The following GRIP1 variants were observed in gnomAD, a reference collection of about 807,000 sequenced individuals.
GRIP1 encodes the protein glutamate receptor-interacting protein 1.
A neutral mutation model predicts 129.9 loss-of-function variants in GRIP1; 45 were observed. That is an observed-to-expected ratio of 0.35 (90% CI 0.27 to 0.44). GRIP1 has a LOEUF of 0.44. Among genes scored for constraint, GRIP1 ranks in the 20% least tolerant of loss-of-function variants. The pLI is 1.00. For missense variants in GRIP1, 1,196 were observed against 1,396.8 expected (o/e 0.86, Z 2.29); for synonymous variants, 530 against 520.8 (o/e 1.02, Z -0.24).
chr12:66,792,389 G>A (rs946342901), intron 1 of GRIP1, among the ~76,000 whole-genome samples: 3 of 151,930 alleles, frequency 2.0e-5, no homozygotes, highest in African/African-American at 4.8e-5. Flanking sequence ...TTACAGGAAC[G>A]CACCACTATG....
chr12:66,391,770 G>A (rs150658750), intron 19 of GRIP1, among the ~76,000 whole-genome samples: 3,993 of 152,248 alleles, frequency 0.026, 63 homozygotes, highest in Non-Finnish European at 0.038. Flanking sequence ...AAGATCCCTT[G>A]AGTCCAGGAG....
At chr12:66,515,853 C>T in intron 6 of GRIP1, 89 bp from the exon 7 acceptor site, 1 of 1,034,944 alleles carries the variant, frequency 9.7e-7, no homozygotes, top group South Asian at 1.3e-5. Context: ...CGTTTTGTCA[C>T]ACATATTCTG....
In GRIP1 at chr12:66,565,375, T is replaced by C. The variant is rs550520162; in HGVS notation, c.137-23425A>G. On this transcript the variant is annotated intron_variant, in intron 2 of 24. Transcript: ENST00000359742. ...AGTTCTCCCAGCACCATTTATTAAA[T>C]AGGGAATCCTTTCCCCATTTCTTGT... Among the ~76,000 whole-genome samples, 127 of 152,370 alleles carry C rather than the reference T, an allele frequency of 8.3e-4. No individual in the cohort carries two copies. In the Middle Eastern group the frequency reaches 0.01, roughly 12 times the overall value.
intron 1 of GRIP1, among the ~76,000 whole-genome samples, chr12:66,629,187 CTA>C (rs2030451367): frequency 6.6e-6 from 1 of 152,156 alleles, no homozygotes; most frequent in African/African-American, 2.4e-5. Context: ...TGAGGAGGCT[CTA>C]TTCCACAAGA....
chr12:66,956,711 C>G (rs2041847183), intron 1 of GRIP1, among the ~76,000 whole-genome samples: 1 of 152,172 alleles, frequency 6.6e-6, no homozygotes, highest in Non-Finnish European at 1.5e-5. Context: ...GTGCTAGAAG[C>G]AGTTATTTCT....
chr12:66,371,665 C>A, intron 23 of GRIP1, 29 bp downstream of exon 23: 2 of 1,481,078 alleles, frequency 1.4e-6, no homozygotes, highest in African/African-American at 1.4e-5. Flanking sequence ...CAAATTTGAC[C>A]CTAGGGAAAG....
intron 2 of GRIP1, among the ~76,000 whole-genome samples, chr12:66,547,761 G>A (rs143578432): frequency 6.6e-6 from 1 of 152,132 alleles, no homozygotes; most frequent in African/African-American, 2.4e-5. Context: ...AGTTGCCAGG[G>A]GTAAGGGCAG....
intron 1 of GRIP1, among the ~76,000 whole-genome samples, chr12:66,729,987 CAT>C (rs1179392676): frequency 6.6e-5 from 10 of 152,140 alleles, no homozygotes; most frequent in Non-Finnish European, 1.3e-4. Context: ...TAGAAAATTA[CAT>C]ATTTGTCTTT....
At chr12:67,027,712 T>A (rs2042960432) in intron 1 of GRIP1, among the ~76,000 whole-genome samples, 1 of 152,142 alleles carries the variant, frequency 6.6e-6, no homozygotes, top group African/African-American at 2.4e-5. Context: ...GCAAGAAGAA[T>A]GTCAAGGCAA....
At chr12:66,981,814 T>C (rs1253595311) in intron 1 of GRIP1, among the ~76,000 whole-genome samples, 1 of 152,220 alleles carries the variant, frequency 6.6e-6, no homozygotes, top group Non-Finnish European at 1.5e-5. Flanking sequence ...ACATGAGTCC[T>C]TCACATTTGC....
intron 1 of GRIP1, among the ~76,000 whole-genome samples, chr12:66,972,485 C>A (rs957606964): frequency 6.6e-6 from 1 of 152,168 alleles, no homozygotes; most frequent in Non-Finnish European, 1.5e-5. Context: ...GCCATGTGAC[C>A]ACTGAGCACT....
At chr12:66,993,788 CAAAA>C (rs3051204) in intron 1 of GRIP1, among the ~76,000 whole-genome samples, 10 of 116,122 alleles carry the variant, frequency 8.6e-5, no homozygotes, top group Admixed American at 9.1e-5. Flanking sequence ...GAGGCTGTCT[CAAAA>C]AAAAAAAAAA....
chr12:66,803,768 G>A (rs894147794), intron 1 of GRIP1, among the ~76,000 whole-genome samples: 3 of 152,126 alleles, frequency 2.0e-5, no homozygotes, highest in Admixed American at 6.6e-5. Flanking sequence ...CACCTACTAC[G>A]TTGGCTTGCA....
Position 66,560,534 on chromosome 12 carries a change from CA to C in GRIP1, c.137-18585del, listed in dbSNP as rs912125598. Among the ~76,000 whole-genome samples the C allele has an allele frequency of 5.3e-4, 80 of 149,972 alleles. No homozygotes were observed. In the East Asian group the frequency reaches 0.012, roughly 22 times the overall value. On this transcript the variant is annotated intron_variant, in intron 2 of 24. Transcript: ENST00000359742. ...GCAAAATATTTGATTAGACATTTCT[CA>C]AAAAAAAAGAGAGACAAATGGCAAA...
At chr12:66,576,965 C>T (rs2063158016) in intron 2 of GRIP1, among the ~76,000 whole-genome samples, 1 of 152,224 alleles carries the variant, frequency 6.6e-6, no homozygotes, top group African/African-American at 2.4e-5. Context: ...TTGAGTATTA[C>T]ATCCAGATCA....
intron 2 of GRIP1, among the ~76,000 whole-genome samples, chr12:66,578,755 A>T (rs1445011993): frequency 6.6e-6 from 1 of 152,218 alleles, no homozygotes; most frequent in Non-Finnish European, 1.5e-5. Flanking sequence ...AGCAGCCGGG[A>T]AGCTCCAACG....
chr12:66,708,675 CT>C (rs565821087), intron 1 of GRIP1, among the ~76,000 whole-genome samples: 19 of 151,694 alleles, frequency 1.3e-4, no homozygotes, highest in African/African-American at 3.6e-4. Flanking sequence ...TATGCATATA[CT>C]TTTTTTATTA....
intron 1 of GRIP1, among the ~76,000 whole-genome samples, chr12:66,993,113 C>CA (rs34149423): frequency 0.16 from 22,612 of 144,594 alleles, 1,807 homozygotes; most frequent in Admixed American, 0.19. Context: ...GACCCTGTCT[C>CA]AAAAAAAAAA....
At chr12:66,916,832 A>C (rs1211767369) in intron 1 of GRIP1, among the ~76,000 whole-genome samples, 3 of 152,306 alleles carry the variant, frequency 2.0e-5, no homozygotes, top group Non-Finnish European at 4.4e-5. Flanking sequence ...TAGGATTGAA[A>C]GGCATTTACC....
Sources: gnomAD v4.1 joint callset for allele counts (sites outside exome capture counted in the v4.1 genomes callset) on GRCh38, gnomAD v4.1.1 for gene constraint, MANE v1.5 for transcripts, NCBI Gene and HGNC (gene_info 2026-07-23, HGNC 2026-07-21) for gene names.